LRRTM4: variants seen among roughly 807,000 people sequenced by gnomAD.
LRRTM4 encodes the protein leucine rich repeat transmembrane neuronal 4, also known as leucine-rich repeat transmembrane neuronal protein 4.
Under a neutral mutation model 47.6 loss-of-function variants are expected in LRRTM4, and 25 were observed. The ratio of observed to expected loss-of-function variants is 0.53; its 90% CI spans 0.38 to 0.73. LRRTM4 has a LOEUF of 0.73. LRRTM4 is among the 30% of genes least tolerant of loss of function. The pLI is 0.00. For synonymous variants in LRRTM4, 311 were observed against 269.5 expected, an observed-to-expected ratio of 1.15 and a Z score of -1.51; for missense variants, 638 against 713.4, an observed-to-expected ratio of 0.89 and a Z score of 1.20.
intron 3 of LRRTM4, among the ~76,000 whole-genome samples, chr2:77,342,063 C>T (rs550381008): frequency 1.3e-5 from 2 of 152,036 alleles, no homozygotes; most frequent in South Asian, 4.1e-4. Flanking sequence ...TGCACAATTT[C>T]TCAGAGCCTT....
At chr2:77,025,642 A>G (rs575171868) in intron 3 of LRRTM4, among the ~76,000 whole-genome samples, 1 of 152,278 alleles carries the variant, frequency 6.6e-6, no homozygotes, top group East Asian at 1.9e-4. Flanking sequence ...TAAGTGACTA[A>G]AGAAAAAGGA....
intron 3 of LRRTM4, among the ~76,000 whole-genome samples, chr2:77,495,681 T>C (rs1480235741): frequency 6.6e-6 from 1 of 151,990 alleles, no homozygotes; most frequent in African/African-American, 2.4e-5. Context: ...TTGTCAAAGA[T>C]CAGTTGTCCA....
chr2:77,437,428 T>C (rs1675647408), intron 3 of LRRTM4, among the ~76,000 whole-genome samples: 1 of 152,088 alleles, frequency 6.6e-6, no homozygotes, highest in African/African-American at 2.4e-5. Context: ...TTTTAAGCCA[T>C]GGTGTTAGAA....
chr2:76,872,250 C>T (rs1288966717), intron 3 of LRRTM4, among the ~76,000 whole-genome samples: 8 of 151,998 alleles, frequency 5.3e-5, no homozygotes, highest in Non-Finnish European at 7.4e-5. Context: ...ACGTTAAAAT[C>T]AGAATCATGA....
At chr2:76,802,949 C>G (rs1675783171) in intron 3 of LRRTM4, among the ~76,000 whole-genome samples, 1 of 152,012 alleles carries the variant, frequency 6.6e-6, no homozygotes, top group South Asian at 2.1e-4. Context: ...CAAAAATAAA[C>G]TCAAAATTGA....
chr2:77,017,182 TAA>T (rs1213829717), intron 3 of LRRTM4, among the ~76,000 whole-genome samples: 1 of 152,114 alleles, frequency 6.6e-6, no homozygotes, highest in Admixed American at 6.5e-5. Flanking sequence ...GCCACAGAGA[TAA>T]AGTGTGATAT....
At chr2:77,361,588 G>T (rs1053393469) in intron 3 of LRRTM4, among the ~76,000 whole-genome samples, 2 of 152,072 alleles carry the variant, frequency 1.3e-5, no homozygotes, top group Non-Finnish European at 2.9e-5. Context: ...CTAATTGAAA[G>T]AATTGTCTAA....
intron 3 of LRRTM4, among the ~76,000 whole-genome samples, chr2:77,013,506 T>TA (rs5832271): frequency 0.029 from 4,189 of 146,412 alleles, 207 homozygotes; most frequent in African/African-American, 0.095. Flanking sequence ...GAAACACTGT[T>TA]AAAAAAAAAA....
At chr2:77,517,725 G>T in intron 3 of LRRTM4, 2 of 983,448 alleles carry the variant, frequency 2.0e-6, no homozygotes, top group Non-Finnish European at 2.4e-6. Flanking sequence ...AGCCTTAGGA[G>T]CCTGATACAA....
intron 3 of LRRTM4, among the ~76,000 whole-genome samples, chr2:77,166,940 G>A (rs1278540829): frequency 6.6e-6 from 1 of 152,134 alleles, no homozygotes; most frequent in Non-Finnish European, 1.5e-5. Context: ...GGCAACGAAA[G>A]CCAAAATTGA....
intron 3 of LRRTM4, among the ~76,000 whole-genome samples, chr2:77,139,280 T>A (rs1026401809): frequency 6.6e-6 from 1 of 152,090 alleles, no homozygotes; most frequent in South Asian, 2.1e-4. Context: ...TCCACCATGA[T>A]ATAGTGGGCC....
intron 3 of LRRTM4, among the ~76,000 whole-genome samples, chr2:77,250,800 CT>C (rs1204282712): frequency 6.6e-6 from 1 of 152,108 alleles, no homozygotes. Context: ...TTAACCTCTT[CT>C]TCTTATTTTC....
At chr2:76,841,284 G>A (rs984630106) in intron 3 of LRRTM4, among the ~76,000 whole-genome samples, 3 of 151,052 alleles carry the variant, frequency 2.0e-5, no homozygotes, top group African/African-American at 4.9e-5. Context: ...GTGGGGTGGG[G>A]GGAGTGGGGA....
intron 3 of LRRTM4, among the ~76,000 whole-genome samples, chr2:77,307,019 C>G (rs566379029): frequency 2.7e-5 from 4 of 150,848 alleles, no homozygotes; most frequent in Admixed American, 2.0e-4. Context: ...CCTGCCTCAG[C>G]CTCCCGCGTA....
intron 3 of LRRTM4, among the ~76,000 whole-genome samples, chr2:77,246,668 G>A (rs1193978864): frequency 2.0e-5 from 3 of 151,916 alleles, no homozygotes; most frequent in Non-Finnish European, 4.4e-5. Flanking sequence ...AAATCCAGCT[G>A]AAATTCCCTG....
At chr2:77,273,764 G>A (rs888178281) in intron 3 of LRRTM4, among the ~76,000 whole-genome samples, 2 of 151,966 alleles carry the variant, frequency 1.3e-5, no homozygotes, top group Non-Finnish European at 2.9e-5. Context: ...GATTTTTGAC[G>A]CCATTTAGAA....
At chr2:77,244,879 C>T (rs144516872) in intron 3 of LRRTM4, among the ~76,000 whole-genome samples, 1 of 152,114 alleles carries the variant, frequency 6.6e-6, no homozygotes, top group African/African-American at 2.4e-5. Context: ...GAAAACAAAT[C>T]CTGGCAACAT....
chr2:77,493,522 C>A (rs562036808), intron 3 of LRRTM4, among the ~76,000 whole-genome samples: 10 of 151,994 alleles, frequency 6.6e-5, no homozygotes, highest in African/African-American at 2.4e-4. Context: ...CTTTCTAATT[C>A]AAAATTTATT....
At chr2:76,837,063 C>A (rs553751470) in intron 3 of LRRTM4, among the ~76,000 whole-genome samples, 1 of 152,170 alleles carries the variant, frequency 6.6e-6, no homozygotes, top group South Asian at 2.1e-4. Context: ...ATGGAAGATC[C>A]TGTTATTGGT....
Sources: gnomAD v4.1 joint callset for allele counts (sites outside exome capture counted in the v4.1 genomes callset) on GRCh38, gnomAD v4.1.1 for gene constraint, MANE v1.5 for transcripts, NCBI Gene and HGNC (gene_info 2026-07-23, HGNC 2026-07-21) for gene names.